The following SAMD4A variants were observed in gnomAD, a reference collection of about 807,000 sequenced individuals.
SAMD4A encodes the protein protein Smaug homolog 1.
In SAMD4A, 33 loss-of-function variants were observed where a neutral mutation model predicts 81.3. That is an observed-to-expected ratio of 0.41 (90% CI 0.31 to 0.54). SAMD4A has a LOEUF of 0.54. Among genes scored for constraint, SAMD4A ranks in the 20% least tolerant of loss-of-function variants. SAMD4A has a pLI of 0.37. For synonymous variants in SAMD4A, 389 were observed against 382.1 expected, an observed-to-expected ratio of 1.02 and a Z score of -0.21; for missense variants, 854 against 951.1, an observed-to-expected ratio of 0.90 and a Z score of 1.34.
intron 11 of SAMD4A, chr14:54,784,230 C>A: frequency 1.3e-6 from 1 of 795,512 alleles, no homozygotes; most frequent in Non-Finnish European, 2.1e-6. Context: ...CCTTATGGGC[C>A]AGGGCAGGAG....
At chr14:54,594,473 A>G (rs756621478) in intron 2 of SAMD4A, among the ~76,000 whole-genome samples, 41 of 152,216 alleles carry the variant, frequency 2.7e-4, no homozygotes, top group Non-Finnish European at 4.9e-4. Flanking sequence ...TAATCAGAGC[A>G]TGTTCAGACC....
chr14:54,663,115 T>C (rs1246945825), intron 2 of SAMD4A, among the ~76,000 whole-genome samples: 1 of 152,214 alleles, frequency 6.6e-6, no homozygotes, highest in Non-Finnish European at 1.5e-5. Context: ...ACTGAAGAGC[T>C]AAGCTGCCTC....
intron 2 of SAMD4A, among the ~76,000 whole-genome samples, chr14:54,569,653 T>A (rs1228341140): frequency 6.6e-6 from 1 of 152,228 alleles, no homozygotes. Flanking sequence ...CTTCCTTAAT[T>A]TCAGCGGGAA....
chr14:54,713,741 G>C (rs2037050152), intron 3 of SAMD4A, among the ~76,000 whole-genome samples: 1 of 149,654 alleles, frequency 6.7e-6, no homozygotes, highest in Non-Finnish European at 1.5e-5. Flanking sequence ...GCTTTGCACA[G>C]TAAGACATTG....
intron 5 of SAMD4A, among the ~76,000 whole-genome samples, chr14:54,749,875 G>T (rs886322736): frequency 6.6e-6 from 1 of 152,170 alleles, no homozygotes; most frequent in Non-Finnish European, 1.5e-5. Context: ...TGGTCTGGAC[G>T]CATACCTCCC....
At chr14:54,700,719 G>A (rs139548394) in intron 2 of SAMD4A, among the ~76,000 whole-genome samples, 33 of 152,262 alleles carry the variant, frequency 2.2e-4, no homozygotes, top group African/African-American at 7.2e-4. Context: ...CAGAGCCTGT[G>A]AATAACTGTC....
intron 4 of SAMD4A, among the ~76,000 whole-genome samples, chr14:54,745,786 G>A (rs961526574): frequency 1.3e-5 from 2 of 152,126 alleles, no homozygotes; most frequent in Non-Finnish European, 2.9e-5. Context: ...CTGACCCCAA[G>A]GAAGCCAAAC....
intron 2 of SAMD4A, among the ~76,000 whole-genome samples, chr14:54,595,896 T>A (rs1250505258): frequency 6.6e-6 from 1 of 152,222 alleles, no homozygotes; most frequent in Non-Finnish European, 1.5e-5. Context: ...GGACTGATAG[T>A]CTAAGGATCT....
chr14:54,760,178 C>T lies in SAMD4A; in HGVS notation c.1194C>T (p.Gly398=). Residue 398 remains glycine (G), a synonymous_variant, in exon 7 of 13, where the codon GGC becomes GGT. Coordinates refer to ENST00000554335, the MANE Select transcript of SAMD4A (RefSeq NM_015589.6). ...KSLERDIIEG[G]SLRIPLQELH... is the part of the protein sequence containing the mutation. ...CCGTCCAGGACATCATCGAGGGGGG[C>T]AGCCTGCGCATCCCGCTCCAGGAAC... 3.1e-6 allele frequency: 5 copies of T among 1,612,652 alleles called. No individual in the cohort carries two copies. Among genetic ancestry groups the T allele is most frequent in the Middle Eastern group, 1.7e-4 (1 of 6,056 alleles).
intron 2 of SAMD4A, among the ~76,000 whole-genome samples, chr14:54,630,368 A>G (rs544996343): frequency 1.3e-5 from 2 of 152,296 alleles, no homozygotes; most frequent in Non-Finnish European, 2.9e-5. Flanking sequence ...TTTTAATAGT[A>G]GCCATCCCAA....
At chr14:54,603,927 C>A (rs1280955779) in intron 2 of SAMD4A, among the ~76,000 whole-genome samples, 1 of 152,064 alleles carries the variant, frequency 6.6e-6, no homozygotes, top group African/African-American at 2.4e-5. Flanking sequence ...CGGGTTCAAG[C>A]GATTTTCCTG....
chr14:54,773,322 C>G (rs1179197817), intron 9 of SAMD4A, among the ~76,000 whole-genome samples: 2 of 152,220 alleles, frequency 1.3e-5, no homozygotes, highest in South Asian at 2.1e-4. Context: ...ACTGGTTAAA[C>G]TACGTCAGCC....
intron 9 of SAMD4A, among the ~76,000 whole-genome samples, chr14:54,770,474 C>T (rs911128008): frequency 6.6e-5 from 10 of 152,188 alleles, no homozygotes; most frequent in East Asian, 1.9e-4. Flanking sequence ...GGTAATAGTC[C>T]GGATGGGTAT....
At chr14:54,604,846 TA>T (rs2034156789) in intron 2 of SAMD4A, among the ~76,000 whole-genome samples, 1 of 152,206 alleles carries the variant, frequency 6.6e-6, no homozygotes, top group Admixed American at 6.5e-5. Context: ...CCACCCAGCC[TA>T]AAAAACAGAA....
intron 3 of SAMD4A, among the ~76,000 whole-genome samples, chr14:54,727,164 T>TC (rs2037436731): frequency 7.3e-6 from 1 of 136,600 alleles, no homozygotes; most frequent in Non-Finnish European, 1.6e-5. Flanking sequence ...CTTCTTTTTT[T>TC]CCTTTTTTTT....
At chr14:54,660,683 TA>T (rs147329097) in intron 2 of SAMD4A, among the ~76,000 whole-genome samples, 3 of 151,458 alleles carry the variant, frequency 2.0e-5, no homozygotes, top group Admixed American at 1.3e-4. Flanking sequence ...CTTGAAAGTT[TA>T]AAAAAAAAGA....
rs554759391 is a variant in SAMD4A at position 54,779,350 on chromosome 14, G to A, written c.2044+2810G>A. On this transcript the variant is annotated intron_variant, in intron 11 of 12. Coordinates refer to ENST00000554335, the MANE Select transcript of SAMD4A (RefSeq NM_015589.6). ...GTAACTAACCCAAAAGTAGATACTC[G>A]GAAAACTGTTATCATACAATGCAGT... 4.6e-5 allele frequency among the ~76,000 whole-genome samples: 7 copies of A among 152,262 alleles called. No homozygotes were observed. The South Asian group carries it at 6.2e-4, about 14-fold the overall frequency.
At chr14:54,659,417 C>T (rs1406401914) in intron 2 of SAMD4A, among the ~76,000 whole-genome samples, 1 of 152,154 alleles carries the variant, frequency 6.6e-6, no homozygotes, top group Non-Finnish European at 1.5e-5. Flanking sequence ...CGCACGCACA[C>T]ACATGTCCGT....
intron 3 of SAMD4A, among the ~76,000 whole-genome samples, chr14:54,712,275 G>A (rs927732106): frequency 2.0e-4 from 31 of 152,084 alleles, no homozygotes; most frequent in Non-Finnish European, 3.7e-4. Flanking sequence ...TTTCTTTCTC[G>A]GTGGAAAATT....
Sources: gnomAD v4.1 joint callset for allele counts (sites outside exome capture counted in the v4.1 genomes callset) on GRCh38, gnomAD v4.1.1 for gene constraint, MANE v1.5 for transcripts, NCBI Gene and HGNC (gene_info 2026-07-23, HGNC 2026-07-21) for gene names.